TTC19: variants seen among roughly 807,000 people sequenced by gnomAD.
The protein encoded by TTC19 is tetratricopeptide repeat protein 19, mitochondrial.
In TTC19, 38 loss-of-function variants were observed where a neutral mutation model predicts 49.5. The observed-to-expected ratio is 0.77, with a 90% confidence interval of 0.59 to 1.01. The LOEUF (loss-of-function observed/expected upper bound fraction) is 1.01, where lower values mean the gene tolerates loss of function less well. TTC19 is among the 50% of genes least tolerant of loss of function. TTC19 has a pLI of 0.00. For missense variants in TTC19, 475 were observed against 477.7 expected, an observed-to-expected ratio of 0.99 and a Z score of 0.05; for synonymous variants, 204 against 185.2, an observed-to-expected ratio of 1.10 and a Z score of -0.83.
At chr17:16,015,122 T>C (rs1971177139) in intron 7 of TTC19, among the ~76,000 whole-genome samples, 1 of 152,222 alleles carries the variant, frequency 6.6e-6, no homozygotes, top group East Asian at 1.9e-4. Context: ...TGTGATAAAA[T>C]GAATTGGGAT....
intron 4 of TTC19, 140 bp downstream of exon 4, chr17:16,002,971 T>C: frequency 1.2e-6 from 1 of 851,034 alleles, no homozygotes; most frequent in East Asian, 2.6e-5. Context: ...AGTGTATTTC[T>C]CTTTATTGTG....
chr17:16,030,962 G>A (rs1002245617), downstream of TTC19: 1 of 196,292 alleles, frequency 5.1e-6, no homozygotes, highest in Non-Finnish European at 1.1e-5. Context: ...CCAGTTACCA[G>A]TGGCATTCTC....
At chr17:16,009,106 C>G (rs1172113405) in intron 7 of TTC19, among the ~76,000 whole-genome samples, 1 of 152,040 alleles carries the variant, frequency 6.6e-6, no homozygotes, top group Admixed American at 6.5e-5. Context: ...GAACAAAAGA[C>G]CCAAGAAAGA....
Position 16,005,644 on chromosome 17 carries a change from A to C in TTC19, c.582-830A>C, listed in dbSNP as rs954490402. ...CAGTTGATTGAGGGTCCAGGGCTAC[A>C]GAGTTGGGTTAAATGACTTCTATTG... On this transcript the variant is annotated intron_variant, in intron 6 of 9. Coordinates refer to ENST00000261647, the MANE Select transcript of TTC19 (RefSeq NM_017775.4). 2.6e-5 allele frequency among the ~76,000 whole-genome samples: 4 copies of C among 152,238 alleles called. No individual in the cohort carries two copies. The East Asian group carries it at 7.7e-4, about 29-fold the overall frequency.
At chr17:16,006,425 A>G (rs1970910577) in intron 6 of TTC19, 49 bp from the exon 7 acceptor site, 3 of 1,390,646 alleles carry the variant, frequency 2.2e-6, no homozygotes, top group Non-Finnish European at 3.1e-6. Context: ...GAAGGAAGAA[A>G]AAAAAAAGAA....
rs1567591250 is a variant in TTC19, at chr17:16,029,077, T to TA, written c.*1562dup. The TA allele has an allele frequency of 2.2e-6, 1 of 452,944 alleles. No individual in the cohort carries two copies. Among genetic ancestry groups the TA allele is most frequent in the Admixed American group, 2.4e-5 (1 of 42,398 alleles). The allele number at this position is 452,944 out of a possible 1,614,324, so 28.1% of individuals were successfully genotyped here. A position where few individuals can be genotyped will look rare whatever the true frequency, so the allele number is the denominator to read the frequency against. ...CCAGTATTAACGTATGGTGATTTCT[T>TA]AAAAAAATTAATGTCAACCACTCAC... On this transcript the variant is annotated 3_prime_UTR_variant, in exon 10 of 10. Transcript: ENST00000261647.
chr17:16,040,197 A>G, intron 2 of TTC19: 1 of 608,170 alleles, frequency 1.6e-6, no homozygotes. Context: ...TCAGTTCCCT[A>G]GTTTTGACAG....
chr17:16,027,891 AT>A lies in TTC19; in HGVS notation c.*372del, dbSNP rs774245761. 2.2e-6 allele frequency: 1 copy of A among 462,266 alleles called. No homozygotes were observed. The highest frequency in any genetic ancestry group is 1.5e-5 in the South Asian group (1 of 64,570). The allele number at this position is 462,266 out of a possible 1,614,324, so 28.6% of individuals were successfully genotyped here. A position where few individuals can be genotyped will look rare whatever the true frequency, so the allele number is the denominator to read the frequency against. On this transcript the variant is annotated 3_prime_UTR_variant, in exon 10 of 10. Coordinates refer to ENST00000261647, the MANE Select transcript of TTC19 (RefSeq NM_017775.4). The stretch of plus-strand genomic sequence containing the variant: ...TCTACCATAAGTTTTTGGTCTGCTG[AT>A]TTGCTGCCCTGTCTTCTCTTACTTT...
intron 2 of TTC19, 38 bp downstream of exon 2, chr17:16,000,283 G>A (rs773025839): frequency 6.3e-7 from 1 of 1,591,896 alleles, no homozygotes; most frequent in Non-Finnish European, 8.5e-7. Flanking sequence ...GCCGAGCGCG[G>A]TAGCCTTTGT....
chr17:16,013,810 C>G (rs1234276283), intron 7 of TTC19, among the ~76,000 whole-genome samples: 1 of 152,204 alleles, frequency 6.6e-6, no homozygotes, highest in African/African-American at 2.4e-5. Flanking sequence ...TGCCTTCAGA[C>G]TGAATTATCA....
chr17:16,026,783 G>C (rs1361641365), intron 9 of TTC19, 81 bp downstream of exon 9: 3 of 1,412,892 alleles, frequency 2.1e-6, no homozygotes, highest in African/African-American at 1.4e-5. Flanking sequence ...GTGGTATGTA[G>C]GGAGGGCAAG....
intron 2 of TTC19, among the ~76,000 whole-genome samples, chr17:16,038,243 T>G (rs2056824932): frequency 1.3e-5 from 2 of 152,212 alleles, no homozygotes. Context: ...AAAAAGGTTG[T>G]AAGATTAAAG....
chr17:16,000,163 A>T lies in TTC19; in HGVS notation c.230A>T (p.Gln77Leu). Reference protein sequence around the residue: ...SRPAAAEEEEQQGADGAAAED... With the variant: ...SRPAAAEEEELQGADGAAAED... Reference sequence around the variant, plus strand: ...CCCGCTGCGGCAGAGGAGGAGGAGCAGCAGGGAGCCGACGGGGCCGCTGCC... The same window carrying T: ...CCCGCTGCGGCAGAGGAGGAGGAGCTGCAGGGAGCCGACGGGGCCGCTGCC... The change falls in exon 2 of 10, where the codon CAG (glutamine) becomes CTG (leucine). Residue 77 changes from glutamine to leucine, a missense_variant. Physicochemically the swap from Gln to Leu is moderately radical, Grantham distance 113. Transcript: ENST00000261647. 1 of 1,589,906 alleles carries T rather than the reference A, an allele frequency of 6.3e-7. No individual in the cohort carries two copies. Among genetic ancestry groups the T allele is most frequent in the Non-Finnish European group, 8.5e-7 (1 of 1,176,776 alleles).
intron 7 of TTC19, among the ~76,000 whole-genome samples, chr17:16,009,100 A>G (rs1240537250): frequency 2.6e-5 from 4 of 152,254 alleles, no homozygotes; most frequent in Non-Finnish European, 5.9e-5. Flanking sequence ...ATGAAAGAAC[A>G]AAAGACCCAA....
intron 3 of TTC19, 98 bp from the exon 4 acceptor site, chr17:16,002,695 T>A (rs1970779811): frequency 1.7e-6 from 2 of 1,150,390 alleles, no homozygotes; most frequent in Non-Finnish European, 1.3e-6. Context: ...AACTATTTTT[T>A]AAATTTTGAG....
chr17:16,015,827 T>G (rs1971197769), intron 7 of TTC19, among the ~76,000 whole-genome samples: 1 of 152,178 alleles, frequency 6.6e-6, no homozygotes, highest in Non-Finnish European at 1.5e-5. Flanking sequence ...TATAAGAGTT[T>G]GTGGAATGTG....
chr17:16,019,287 C>T, intron 7 of TTC19, among the ~76,000 whole-genome samples: 1 of 152,124 alleles, frequency 6.6e-6, no homozygotes, highest in East Asian at 1.9e-4. Flanking sequence ...GAGCCGAGAT[C>T]GTGCCACTGC....
rs556972363 is a variant in TTC19 at position 16,027,526 on chromosome 17, C to T, written c.*4C>T. 4 of 1,613,590 alleles carry T rather than the reference C, an allele frequency of 2.5e-6. No individual in the cohort carries two copies. The African/African-American group carries it at 4.0e-5, about 16-fold the overall frequency. On this transcript the variant is annotated 3_prime_UTR_variant, in exon 10 of 10. Coordinates refer to ENST00000261647, the MANE Select transcript of TTC19 (RefSeq NM_017775.4). ...GACAAATTCTGTCAAGCTCTAAATCCATTTTTGTGTAGGGAGAATAATGTC... is the reference window on the plus strand; with the variant it reads ...GACAAATTCTGTCAAGCTCTAAATCTATTTTTGTGTAGGGAGAATAATGTC...
chr17:16,027,002 A>G (rs1971582651), intron 9 of TTC19: 1 of 525,172 alleles, frequency 1.9e-6, no homozygotes. Flanking sequence ...TTCAGTTACA[A>G]TGTGTTTCTC....
Sources: gnomAD v4.1 joint callset for allele counts (sites outside exome capture counted in the v4.1 genomes callset) on GRCh38, gnomAD v4.1.1 for gene constraint, MANE v1.5 for transcripts, NCBI Gene and HGNC (gene_info 2026-07-23, HGNC 2026-07-21) for gene names.